GMDS: variants seen among roughly 807,000 people sequenced by gnomAD.
GMDS encodes the protein GDP-mannose 4,6 dehydratase.
A neutral mutation model predicts 49.9 loss-of-function variants in GMDS; 20 were observed. That is an observed-to-expected ratio of 0.40 (90% confidence interval 0.28 to 0.58). GMDS has a LOEUF of 0.58. Ranked by LOEUF, GMDS falls within the 20% of genes least tolerant of loss-of-function variation. The pLI is 0.42. For missense variants in GMDS, 362 were observed against 481.4 expected (o/e 0.75, Z 2.32); for synonymous variants, 177 against 178.6 (o/e 0.99, Z 0.07).
At chr6:1,888,134 A>ATT (rs56167840) in intron 7 of GMDS, among the ~76,000 whole-genome samples, 31,871 of 140,050 alleles carry the variant, frequency 0.23, 4,651 homozygotes, top group Non-Finnish European at 0.31. Context: ...TATTATTATT[A>ATT]TTTTTTTTTT....
intron 7 of GMDS, among the ~76,000 whole-genome samples, chr6:1,781,821 A>G (rs1311452746): frequency 6.6e-6 from 1 of 152,088 alleles, no homozygotes; most frequent in Non-Finnish European, 1.5e-5. Flanking sequence ...TTGTAGGAAT[A>G]ATAATATAGA....
intron 4 of GMDS, among the ~76,000 whole-genome samples, chr6:2,096,583 C>G (rs77100369): frequency 0.012 from 1,870 of 152,190 alleles, 37 homozygotes; most frequent in African/African-American, 0.043. Context: ...GTCAGTAGGT[C>G]AAACACAATT....
intron 7 of GMDS, among the ~76,000 whole-genome samples, chr6:1,787,344 T>C (rs1330230640): frequency 6.6e-6 from 1 of 152,104 alleles, no homozygotes; most frequent in East Asian, 1.9e-4. Flanking sequence ...CAGCAGGAGG[T>C]AGCTGCCACT....
At chr6:2,042,508 ACAG>A (rs1228231470) in intron 4 of GMDS, among the ~76,000 whole-genome samples, 1 of 152,182 alleles carries the variant, frequency 6.6e-6, no homozygotes, top group Non-Finnish European at 1.5e-5. Context: ...TCCAAAGCTT[ACAG>A]CGAAAGAATT....
chr6:2,053,211 C>T (rs1389611838), intron 4 of GMDS, among the ~76,000 whole-genome samples: 1 of 151,856 alleles, frequency 6.6e-6, no homozygotes, highest in African/African-American at 2.4e-5. Context: ...AAAAATAGGC[C>T]TTATATAAAA....
chr6:2,180,478 T>C (rs1030851445), intron 1 of GMDS, among the ~76,000 whole-genome samples: 3 of 152,160 alleles, frequency 2.0e-5, no homozygotes, highest in South Asian at 2.1e-4. Flanking sequence ...AATTGGAAAA[T>C]AAAGTTCAAG....
At chr6:1,709,787 GA>G (rs536893211) in intron 9 of GMDS, among the ~76,000 whole-genome samples, 123 of 152,328 alleles carry the variant, frequency 8.1e-4, no homozygotes, top group Admixed American at 2.9e-3. Flanking sequence ...TTAGAGATGG[GA>G]CTGAGAGTTA....
chr6:2,063,400 C>G (rs1241618001), intron 4 of GMDS, among the ~76,000 whole-genome samples: 6 of 152,180 alleles, frequency 3.9e-5, no homozygotes, highest in Non-Finnish European at 8.8e-5. Context: ...TCAAGACATT[C>G]TGTGTGTGTC....
At chr6:1,912,739 G>C (rs1440211845) in intron 7 of GMDS, among the ~76,000 whole-genome samples, 2 of 152,090 alleles carry the variant, frequency 1.3e-5, no homozygotes, top group African/African-American at 2.4e-5. Flanking sequence ...TAAAAACAAA[G>C]ATTTAGAAAG....
intron 1 of GMDS, among the ~76,000 whole-genome samples, chr6:2,152,810 T>G (rs1295819423): frequency 6.6e-6 from 1 of 152,176 alleles, no homozygotes; most frequent in Non-Finnish European, 1.5e-5. Context: ...ATAGAATCAT[T>G]TTAATCATAA....
At chr6:2,215,718 G>A (rs557602738) in intron 1 of GMDS, among the ~76,000 whole-genome samples, 1 of 152,144 alleles carries the variant, frequency 6.6e-6, no homozygotes, top group East Asian at 1.9e-4. Flanking sequence ...ATTAAAGACA[G>A]GCTAAGAGAC....
intron 7 of GMDS, among the ~76,000 whole-genome samples, chr6:1,861,795 C>CTAAATGCACATTT (rs1758200908): frequency 1.3e-5 from 2 of 152,104 alleles, no homozygotes; most frequent in African/African-American, 2.4e-5. Flanking sequence ...CTTTAGTCCC[C>CTAAATGCACATTT]AGTCACAGGT....
In GMDS at chr6:1,624,293, C is replaced by T; in HGVS notation, c.1057-62G>A. The T allele has an allele frequency of 3.4e-6, 5 of 1,474,486 alleles. No individual in the cohort carries two copies. The Admixed American group carries it at 6.9e-5, about 20-fold the overall frequency. 91.3% of individuals were successfully genotyped at this position (1,474,486 alleles called of 1,614,324 possible). A position where few individuals can be genotyped will look rare whatever the true frequency, so the allele number is the denominator to read the frequency against. The stretch of plus-strand genomic sequence containing the variant: ...GCCACTCTCTCCTGGTGACACCCCA[C>T]CCCGGGTGTCGGCCCCAGAGAGGCC... On this transcript the variant is annotated intron_variant, in intron 10 of 10. Coordinates refer to ENST00000380815, the MANE Select transcript of GMDS (RefSeq NM_001500.4).
intron 4 of GMDS, among the ~76,000 whole-genome samples, chr6:2,011,178 G>C (rs1767535779): frequency 6.6e-6 from 1 of 151,996 alleles, no homozygotes; most frequent in South Asian, 2.1e-4. Flanking sequence ...CATACAAATG[G>C]CCAAAAAGCA....
intron 7 of GMDS, among the ~76,000 whole-genome samples, chr6:1,816,872 A>G (rs1046070500): frequency 5.3e-5 from 8 of 151,182 alleles, no homozygotes; most frequent in Non-Finnish European, 1.0e-4. Context: ...TAGGAGTTTC[A>G]ATGGAAGGGG....
At chr6:2,202,215 A>G (rs559259121) in intron 1 of GMDS, among the ~76,000 whole-genome samples, 1 of 145,778 alleles carries the variant, frequency 6.9e-6, no homozygotes, top group East Asian at 2.1e-4. Context: ...TGAGGGCAGC[A>G]TGTTAGCAGA....
intron 4 of GMDS, among the ~76,000 whole-genome samples, chr6:2,038,078 A>T (rs1769410739): frequency 6.6e-6 from 1 of 152,072 alleles, no homozygotes; most frequent in Admixed American, 6.6e-5. Context: ...GTGGTGGTGA[A>T]AAAACTAGCT....
At chr6:2,222,385 A>G (rs1030906373) in intron 1 of GMDS, among the ~76,000 whole-genome samples, 6 of 152,020 alleles carry the variant, frequency 3.9e-5, no homozygotes, top group African/African-American at 1.2e-4. Flanking sequence ...TTCTCCCTCA[A>G]CTGCTTCCAT....
chr6:2,016,548 A>T (rs1232845480), intron 4 of GMDS, among the ~76,000 whole-genome samples: 1 of 152,192 alleles, frequency 6.6e-6, no homozygotes, highest in Admixed American at 6.5e-5. Flanking sequence ...GAAACTAGAG[A>T]ACAGGAAATC....
Sources: gnomAD v4.1 joint callset for allele counts (sites outside exome capture counted in the v4.1 genomes callset) on GRCh38, gnomAD v4.1.1 for gene constraint, MANE v1.5 for transcripts, NCBI Gene and HGNC (gene_info 2026-07-23, HGNC 2026-07-21) for gene names.